The following KANSL3 variants were observed in gnomAD, a reference collection of about 807,000 sequenced individuals.
KANSL3 encodes KAT8 regulatory NSL complex subunit 3.
A neutral mutation model predicts 89.2 loss-of-function variants in KANSL3; 16 were observed. That is an observed-to-expected ratio of 0.18 (90% CI 0.12 to 0.27). The LOEUF (loss-of-function observed/expected upper bound fraction) is 0.27, where lower values mean the gene tolerates loss of function less well. KANSL3 is among the 10% of genes least tolerant of loss of function. KANSL3 has a pLI of 1.00. For synonymous variants in KANSL3, 385 were observed against 419.7 expected, an observed-to-expected ratio of 0.92 and a Z score of 1.01; for missense variants, 879 against 1,110.6, an observed-to-expected ratio of 0.79 and a Z score of 2.96.
intron 9 of KANSL3, among the ~76,000 whole-genome samples, chr2:96,611,901 A>ATGTGTGTGTGTGTG (rs1491403979): frequency 4.7e-4 from 15 of 31,770 alleles, no homozygotes; most frequent in African/African-American, 8.5e-4. Flanking sequence ...ATATATACCC[A>ATGTGTGTGTGTGTG]TATGTGTGTG....
chr2:96,635,702 C>T (rs1033349091), intron 2 of KANSL3, among the ~76,000 whole-genome samples: 4 of 152,162 alleles, frequency 2.6e-5, no homozygotes, highest in African/African-American at 9.7e-5. Context: ...TTAAAACACA[C>T]AGTGGGTCAG....
Position 96,601,334 on chromosome 2 carries a change from A to G in KANSL3, c.2616+309T>C, listed in dbSNP as rs1006220179. ...AGCCTCTACTCATAACCTCTGAAGG[A>G]TGAAACCAAGGATGAGAAAAAAATG... On this transcript the variant is annotated intron_variant, in intron 20 of 20. Coordinates refer to ENST00000431828, the MANE Select transcript of KANSL3 (RefSeq NM_001115016.3). 3.0e-6 allele frequency: 3 copies of G among 985,278 alleles called. No individual in the cohort carries two copies. The African/African-American group carries it at 5.2e-5, about 17-fold the overall frequency. 61.0% of individuals were successfully genotyped at this position (985,278 alleles called of 1,614,324 possible). A position where few individuals can be genotyped will look rare whatever the true frequency, so the allele number is the denominator to read the frequency against.
Position 96,611,046 on chromosome 2 carries a change from G to A in KANSL3, c.1161+18C>T. ...CCCACTGCCAATGACCCAGCACTCAGCTTTACCACATTCTTACCCCTCTGG... is the reference window on the plus strand; with the variant it reads ...CCCACTGCCAATGACCCAGCACTCAACTTTACCACATTCTTACCCCTCTGG... On this transcript the variant is annotated intron_variant, in intron 10 of 20. Coordinates refer to ENST00000431828, the MANE Select transcript of KANSL3 (RefSeq NM_001115016.3). 2 of 1,613,072 alleles carry A rather than the reference G, an allele frequency of 1.2e-6. No homozygotes were observed. Among genetic ancestry groups the A allele is most frequent in the Non-Finnish European group, 1.7e-6 (2 of 1,179,022 alleles).
chr2:96,598,731 G>A (rs571655538), intron 20 of KANSL3, among the ~76,000 whole-genome samples: 56 of 152,042 alleles, frequency 3.7e-4, no homozygotes, highest in African/African-American at 1.3e-3. Flanking sequence ...ACAACATGGT[G>A]AAACCCTGTC....
In KANSL3 at chr2:96,631,463, C is replaced by A; in HGVS notation, c.235G>T (p.Asp79Tyr). 6.4e-7 allele frequency: 1 copy of A among 1,574,390 alleles called. No homozygotes were observed. The stretch of plus-strand genomic sequence containing the variant: ...GGCGTTGATGTGACCGTCTCCACAT[C>A]TATTGGGACGTCTGATTCACTGTAA... ...ESTIESDVPIDVETVTSTPMP... is the reference protein window; with the variant it reads ...ESTIESDVPIYVETVTSTPMP... The change falls in exon 3 of 21, where the codon GAT (aspartate) becomes TAT (tyrosine). Residue 79 changes from aspartate (D) to tyrosine (Y), a missense_variant. Around this residue, in one of 6 missense-constraint regions of KANSL3, gnomAD observed 210 missense variants for 311.9 expected, o/e 0.67. Transcript: ENST00000431828.
chr2:96,599,648 G>T, intron 20 of KANSL3: 2 of 320,372 alleles, frequency 6.2e-6, no homozygotes, highest in Non-Finnish European at 9.0e-6. Context: ...AAAAATATGA[G>T]CCACTGACAG....
intron 3 of KANSL3, among the ~76,000 whole-genome samples, chr2:96,621,853 C>T (rs913054841): frequency 2.6e-5 from 4 of 152,140 alleles, no homozygotes; most frequent in East Asian, 3.9e-4. Flanking sequence ...TGGTGGCTCA[C>T]GCCTGTAATC....
intron 2 of KANSL3, among the ~76,000 whole-genome samples, chr2:96,632,479 A>G (rs890289711): frequency 2.0e-5 from 3 of 152,100 alleles, no homozygotes; most frequent in African/African-American, 7.2e-5. Context: ...AGGACAATAT[A>G]TTCCATAAGC....
chr2:96,619,651 G>A (rs757157788), intron 4 of KANSL3, 21 bp downstream of exon 4: 2 of 1,582,432 alleles, frequency 1.3e-6, no homozygotes, highest in East Asian at 4.6e-5. Flanking sequence ...GCCCACTGTG[G>A]GCGGATTGCT....
intron 20 of KANSL3, chr2:96,599,713 A>G: frequency 1.6e-6 from 1 of 625,360 alleles, no homozygotes; most frequent in Non-Finnish European, 2.0e-6. Flanking sequence ...CTGAATATAC[A>G]AAGCCACTAT....
At chr2:96,585,159 G>A in the KANSL3 span, among the ~76,000 whole-genome samples, 1 of 152,084 alleles carries the variant, frequency 6.6e-6, no homozygotes, top group South Asian at 2.1e-4. Flanking sequence ...AAACTAAAAA[G>A]CTTCTGCACA....
At chr2:96,613,073 T>C (rs2069305096) in intron 6 of KANSL3, 139 bp from the exon 7 acceptor site, 1 of 637,572 alleles carries the variant, frequency 1.6e-6, no homozygotes. Flanking sequence ...GTAAAATAAA[T>C]TATTAATAAT....
chr2:96,592,359 CTT>C (rs2066291106), downstream of KANSL3, among the ~76,000 whole-genome samples: 1 of 152,180 alleles, frequency 6.6e-6, no homozygotes, highest in African/African-American at 2.4e-5. Flanking sequence ...ATCTCTAAAT[CTT>C]TATGTATTTA....
chr2:96,631,511 G>A, intron 2 of KANSL3, 29 bp from the exon 3 acceptor site: 2 of 1,553,128 alleles, frequency 1.3e-6, no homozygotes, highest in Non-Finnish European at 1.7e-6. Flanking sequence ...ATAGGACCGG[G>A]CCACACATAC....
downstream of KANSL3, among the ~76,000 whole-genome samples, chr2:96,592,520 A>G (rs1254890679): frequency 6.6e-6 from 1 of 152,106 alleles, no homozygotes; most frequent in African/African-American, 2.4e-5. Flanking sequence ...GTAAACTGAA[A>G]AGGTCACGTG....
chr2:96,602,844 C>A lies in KANSL3; in HGVS notation c.2168G>T (p.Ser723Ile), dbSNP rs2067377910. ...GCTGAAGCTGAGGCCTTGGAGGAGG[C>A]TGCTGGCTGATGTGGCCCCTAAGAG... is the stretch of plus-strand genomic sequence containing the variant. ...SSLPGATSAS[S>I]LLQGLSFSLQ... The change falls in exon 18 of 21, where the codon AGC (serine) becomes ATC (isoleucine). Residue 723 changes from serine (S) to isoleucine (I), a missense_variant. Ser to Ile is a moderately radical substitution (Grantham distance 142). Coordinates refer to ENST00000431828, the MANE Select transcript of KANSL3 (RefSeq NM_001115016.3). The A allele has an allele frequency of 6.2e-7, 1 of 1,613,914 alleles. No individual in the cohort carries two copies.
chr2:96,628,018 A>C (rs2072703432), intron 3 of KANSL3: 1 of 1,290,248 alleles, frequency 7.8e-7, no homozygotes, highest in Non-Finnish European at 1.0e-6. Flanking sequence ...ATTGAGCTTT[A>C]ATGGATTACA....
At chr2:96,598,164 A>G in intron 20 of KANSL3, 1 of 985,138 alleles carries the variant, frequency 1.0e-6, no homozygotes, top group Non-Finnish European at 1.2e-6. Context: ...AGACACCCTA[A>G]AAACAGGCCC....
At chr2:96,590,510 A>G (rs1365440594), downstream of KANSL3, among the ~76,000 whole-genome samples, 1 of 151,936 alleles carries the variant, frequency 6.6e-6, no homozygotes, top group African/African-American at 2.4e-5. Context: ...GGGGGTTTCA[A>G]ACTCCTGAGC....
Sources: gnomAD v4.1 joint callset for allele counts (sites outside exome capture counted in the v4.1 genomes callset) on GRCh38, gnomAD v4.1.1 for gene constraint, gnomAD v4.1.1 regional missense constraint, MANE v1.5 for transcripts, NCBI Gene and HGNC (gene_info 2026-07-23, HGNC 2026-07-21) for gene names.